Variants in FOXP2 observed in about 807,000 individuals in gnomAD.
FOXP2 encodes the protein forkhead box P2, also known as forkhead box protein P2.
In FOXP2, 12 loss-of-function variants were observed where a neutral mutation model predicts 115.8. The ratio of observed to expected loss-of-function variants is 0.10; its 90% CI spans 0.07 to 0.17. The LOEUF (loss-of-function observed/expected upper bound fraction) is 0.17. Ranked by LOEUF, FOXP2 falls within the 10% of genes least tolerant of loss-of-function variation. The pLI is 1.00. For synonymous variants in FOXP2, 328 were observed against 297.7 expected, an observed-to-expected ratio of 1.10 and a Z score of -1.05; for missense variants, 629 against 843.5, an observed-to-expected ratio of 0.75 and a Z score of 3.15.
At position 114,603,609 on chromosome 7, in the gene FOXP2, T is replaced by C. The variant is rs141928002; in HGVS notation, c.259-24931T>C. ...TTTTGAATTAACAGATAAATGTCAG[T>C]GTGTTACATAAACTAACAAGTTAGA... On this transcript the variant is annotated intron_variant, in intron 3 of 16. Transcript: ENST00000350908. 5.8e-3 allele frequency among the ~76,000 whole-genome samples: 881 copies of C among 152,334 alleles called. 7 individuals are homozygous for C. The highest frequency in any genetic ancestry group is 0.02 in the African/African-American group (817 of 41,582).
Position 114,156,421 on chromosome 7 carries a change from C to T in FOXP2, c.-246-6523C>T, listed in dbSNP as rs938345382. Among the ~76,000 whole-genome samples the T allele has an allele frequency of 4.6e-5, 7 of 152,194 alleles. No homozygotes were observed. The East Asian group carries it at 1.2e-3, about 25-fold the overall frequency. The stretch of plus-strand genomic sequence containing the variant: ...TGATAAAAGATTGGGTTTCACAGCC[C>T]CTTATCTTAACCCAGATATTCCTTT... On this transcript the variant is annotated intron_variant, in intron 1 of 19. Coordinates refer to the FOXP2 transcript ENST00000635638.
intron 2 of FOXP2, among the ~76,000 whole-genome samples, chr7:114,494,181 A>G (rs1389387474): frequency 6.6e-6 from 1 of 152,190 alleles, no homozygotes; most frequent in Non-Finnish European, 1.5e-5. Context: ...CCAAAGTGAT[A>G]AAAAGTAGAA....
chr7:114,399,491 T>A (rs188389132), intron 2 of FOXP2, among the ~76,000 whole-genome samples: 122 of 152,336 alleles, frequency 8.0e-4, no homozygotes, highest in African/African-American at 2.8e-3. Context: ...ATTAAATATT[T>A]GATGGTTTTA....
At chr7:114,638,693 A>G (rs1805357799) in intron 6 of FOXP2, among the ~76,000 whole-genome samples, 1 of 152,158 alleles carries the variant, frequency 6.6e-6, no homozygotes, top group African/African-American at 2.4e-5. Flanking sequence ...AAAACTACTA[A>G]TGCCTGTGTT....
intron 3 of FOXP2, among the ~76,000 whole-genome samples, chr7:114,609,708 G>A (rs1803529258): frequency 6.6e-6 from 1 of 152,054 alleles, no homozygotes; most frequent in Non-Finnish European, 1.5e-5. Context: ...AGTTCCACTG[G>A]TGCATCTTTG....
rs763484553 is a variant in FOXP2, at chr7:114,642,799, TATATATATATA to T, written c.989+177_989+187del. 3.9e-3 allele frequency among the ~76,000 whole-genome samples: 221 copies of T among 57,360 alleles called. 6 individuals are homozygous for T. Among genetic ancestry groups the T allele is most frequent in the South Asian group, 7.4e-3 (14 of 1,900 alleles). The allele number at this position is 57,360 out of a possible 152,430, so 37.6% of individuals were successfully genotyped here. ...TATATAATATATATATATATATATA[TATATATATATA>T]TATTTTTTTTTTTTTTTAGGCAGAG... is the stretch of plus-strand genomic sequence containing the variant. On this transcript the variant is annotated intron_variant, in intron 7 of 16. Transcript: ENST00000350908.
chr7:114,271,584 A>T (rs1479429996), intron 1 of FOXP2, among the ~76,000 whole-genome samples: 1 of 125,284 alleles, frequency 8.0e-6, no homozygotes, highest in Non-Finnish European at 1.6e-5. Context: ...TTATATATTA[A>T]TATTATTATA....
At chr7:114,132,290 C>T (rs959089255) in intron 1 of FOXP2, among the ~76,000 whole-genome samples, 32 of 152,048 alleles carry the variant, frequency 2.1e-4, no homozygotes, top group Non-Finnish European at 8.8e-5. Flanking sequence ...ACATCATCAT[C>T]CACTCAGTTG....
At chr7:114,671,323 C>G (rs748610973) in intron 16 of FOXP2, among the ~76,000 whole-genome samples, 8 of 152,064 alleles carry the variant, frequency 5.3e-5, no homozygotes, top group South Asian at 2.1e-4. Context: ...CCCAGAGATA[C>G]AGTGCCTTTA....
At chr7:114,309,666 T>G (rs902634033) in intron 2 of FOXP2, among the ~76,000 whole-genome samples, 1 of 151,936 alleles carries the variant, frequency 6.6e-6, no homozygotes, top group African/African-American at 2.4e-5. Flanking sequence ...TAAAGGGAGA[T>G]ACATATTTTT....
intron 2 of FOXP2, among the ~76,000 whole-genome samples, chr7:114,507,861 G>A (rs1361279155): frequency 2.0e-5 from 3 of 151,878 alleles, no homozygotes; most frequent in Non-Finnish European, 4.4e-5. Context: ...CTCTAATATA[G>A]TCATGTTTGT....
At chr7:114,277,264 A>G (rs1184152041) in intron 1 of FOXP2, among the ~76,000 whole-genome samples, 1 of 152,152 alleles carries the variant, frequency 6.6e-6, no homozygotes, top group Non-Finnish European at 1.5e-5. Context: ...TGTAGGTTTT[A>G]AAAAGGGTAT....
chr7:114,287,033 T>C (rs947648202), intron 1 of FOXP2, among the ~76,000 whole-genome samples: 8 of 152,050 alleles, frequency 5.3e-5, no homozygotes, highest in Admixed American at 2.0e-4. Flanking sequence ...CATTGCTAAT[T>C]GAACACAGAA....
chr7:114,532,187 AG>A (rs1453837572), intron 2 of FOXP2, among the ~76,000 whole-genome samples: 4 of 151,962 alleles, frequency 2.6e-5, no homozygotes, highest in African/African-American at 9.7e-5. Context: ...AAAAGTTTAG[AG>A]TTCCATCAGG....
intron 1 of FOXP2, among the ~76,000 whole-genome samples, chr7:114,247,138 T>C (rs1795304727): frequency 6.6e-6 from 1 of 152,194 alleles, no homozygotes; most frequent in Admixed American, 6.5e-5. Flanking sequence ...TAGCTACAGC[T>C]TTTCTCAAAC....
intron 1 of FOXP2, among the ~76,000 whole-genome samples, chr7:114,205,169 G>A (rs1432835270): frequency 6.6e-6 from 1 of 152,076 alleles, no homozygotes; most frequent in Non-Finnish European, 1.5e-5. Flanking sequence ...GAATTACTCT[G>A]TTTTTTGAAA....
chr7:114,230,016 A>C (rs1353209536), intron 1 of FOXP2, among the ~76,000 whole-genome samples: 1 of 151,780 alleles, frequency 6.6e-6, no homozygotes, highest in East Asian at 1.9e-4. Context: ...AAATGAGAGA[A>C]GATTCAAATC....
At chr7:114,570,978 C>G in intron 3 of FOXP2, 2 of 1,004,992 alleles carry the variant, frequency 2.0e-6, no homozygotes, top group Admixed American at 1.7e-5. Context: ...TATAGCCAAT[C>G]CCTTCCATTG....
At chr7:114,105,064 T>C (rs1162441083) in intron 1 of FOXP2, among the ~76,000 whole-genome samples, 1 of 151,890 alleles carries the variant, frequency 6.6e-6, no homozygotes, top group Non-Finnish European at 1.5e-5. Context: ...AGAAAACAAA[T>C]TATATAAAGG....
Sources: allele counts gnomAD v4.1 joint callset (sites outside exome capture counted in the v4.1 genomes callset), GRCh38; gene constraint gnomAD v4.1.1; transcripts MANE v1.5; gene names NCBI Gene and HGNC (gene_info 2026-07-23, HGNC 2026-07-21).